ZNF468: variants seen among roughly 807,000 people sequenced by gnomAD.
The protein encoded by ZNF468 is zinc finger protein ZNF468.
Under a neutral mutation model 7.2 loss-of-function variants are expected in ZNF468, and 8 were observed. The ratio of observed to expected loss-of-function variants is 1.11; its 90% CI spans 0.65 to 2.01. The LOEUF is 2.01. Ranked by LOEUF, ZNF468 falls within the 30% of genes most tolerant of loss-of-function variation. ZNF468 has a pLI of 0.00. For missense variants in ZNF468, 608 were observed against 626.5 expected (o/e 0.97, Z 0.31); for synonymous variants, 218 against 214.4 (o/e 1.02, Z -0.15).
chr19:52,845,873 C>T (rs2063338380), intron 3 of ZNF468, among the ~76,000 whole-genome samples: 1 of 152,022 alleles, frequency 6.6e-6, no homozygotes, highest in South Asian at 2.1e-4. Flanking sequence ...TGTGGTGGCG[C>T]ATGCCTGTAA....
chr19:52,851,380 T>A (rs1242768276), intron 2 of ZNF468, among the ~76,000 whole-genome samples: 1 of 152,092 alleles, frequency 6.6e-6, no homozygotes, highest in African/African-American at 2.4e-5. Context: ...ATGGAAACCA[T>A]CTTGGCTAAA....
At chr19:52,857,045 A>C (rs7256825) in intron 1 of ZNF468, among the ~76,000 whole-genome samples, 105,961 of 150,440 alleles carry the variant, frequency 0.7, 37,591 homozygotes, top group African/African-American at 0.77. Context: ...CTCTCCAACG[A>C]GGGCTCAGGG....
chr19:52,857,093 A>T (rs56371813), intron 1 of ZNF468, among the ~76,000 whole-genome samples: 66,385 of 149,854 alleles, frequency 0.44, 14,713 homozygotes, highest in Admixed American at 0.55. Flanking sequence ...GGGGAGCAGC[A>T]GGGCCCAGCA....
At chr19:52,846,982 C>T (rs2063345939) in intron 3 of ZNF468, among the ~76,000 whole-genome samples, 2 of 151,586 alleles carry the variant, frequency 1.3e-5, no homozygotes, top group Non-Finnish European at 1.5e-5. Context: ...GCCTGGGTGA[C>T]AGAGTGAGAC....
chr19:52,850,758 G>A (rs1032154874), intron 2 of ZNF468, among the ~76,000 whole-genome samples: 2 of 151,800 alleles, frequency 1.3e-5, no homozygotes, highest in African/African-American at 4.8e-5. Context: ...AATTAGCCGG[G>A]CGTGGTGGCG....
At chr19:52,848,871 A>G (rs1394448767) in intron 3 of ZNF468, among the ~76,000 whole-genome samples, 1 of 152,128 alleles carries the variant, frequency 6.6e-6, no homozygotes, top group Non-Finnish European at 1.5e-5. Context: ...TTTTATGCTT[A>G]CTTTACTTCT....
At chr19:52,852,841 T>A (rs967292853) in intron 2 of ZNF468, among the ~76,000 whole-genome samples, 174 of 147,964 alleles carry the variant, frequency 1.2e-3, no homozygotes, top group African/African-American at 4.1e-3. Context: ...ATATAAAATT[T>A]TTTTTTAATT....
intron 2 of ZNF468, chr19:52,853,949 ATC>A: frequency 7.1e-7 from 1 of 1,414,684 alleles, no homozygotes; most frequent in Non-Finnish European, 9.2e-7. Flanking sequence ...CTGACAGTGC[ATC>A]CAGATGTGGC....
intron 3 of ZNF468, 22 bp downstream of exon 3, chr19:52,849,065 C>T: frequency 6.2e-7 from 1 of 1,612,724 alleles, no homozygotes; most frequent in South Asian, 1.1e-5. Flanking sequence ...GGGCACATCC[C>T]CAGGAGGGAA....
intron 3 of ZNF468, among the ~76,000 whole-genome samples, chr19:52,843,396 C>T (rs906300168): frequency 2.6e-5 from 4 of 152,100 alleles, no homozygotes; most frequent in African/African-American, 4.8e-5. Context: ...CCATGCCCAG[C>T]TAATTTTTGT....
At chr19:52,849,463 A>C in intron 2 of ZNF468, 3 of 795,644 alleles carry the variant, frequency 3.8e-6, no homozygotes, top group Non-Finnish European at 5.4e-6. Context: ...AACAAATAAA[A>C]AATCAATGTA....
chr19:52,839,939 A>T lies in ZNF468; in HGVS notation c.*786T>A, dbSNP rs1324832783. ...GTAGCATTACTGAAAACTTTGTGAC[A>T]ATCATTACATTAGTCAAGTTTCCCT... On this transcript the variant is annotated 3_prime_UTR_variant, in exon 4 of 4. Coordinates refer to ENST00000595646, the MANE Select transcript of ZNF468 (RefSeq NM_001008801.2). The T allele has an allele frequency of 5.5e-6, 6 of 1,094,262 alleles. No homozygotes were observed. The highest frequency in any genetic ancestry group is 1.6e-5 in the African/African-American group (1 of 62,930). The allele number at this position is 1,094,262 out of a possible 1,614,324, so 67.8% of individuals were successfully genotyped here.
chr19:52,851,923 T>C (rs2063393241), intron 2 of ZNF468, among the ~76,000 whole-genome samples: 1 of 152,270 alleles, frequency 6.6e-6, no homozygotes, highest in Non-Finnish European at 1.5e-5. Flanking sequence ...TGTATATGTA[T>C]AGATGTGTGT....
intron 1 of ZNF468, 127 bp downstream of exon 1, chr19:52,857,445 C>T (rs2063450497): frequency 6.6e-6 from 1 of 152,328 alleles, no homozygotes; most frequent in Non-Finnish European, 1.5e-5. Context: ...AGTAGAACAT[C>T]TCCATTTGCT....
At chr19:52,856,647 TCTCC>T (rs1345427076) in intron 1 of ZNF468, among the ~76,000 whole-genome samples, 1 of 140,786 alleles carries the variant, frequency 7.1e-6, no homozygotes, top group African/African-American at 2.6e-5. Context: ...TCCCTCCTCC[TCTCC>T]CTCACTCTGA....
chr19:52,839,415 A>G lies in ZNF468; in HGVS notation c.*1310T>C, dbSNP rs1038131799. ...TGGCCCCCAGTGCAATCCTCTTAAC[A>G]TAAACAGTTTAATGGCAATTAATGC... On this transcript the variant is annotated 3_prime_UTR_variant, in exon 4 of 4. Coordinates refer to ENST00000595646, the MANE Select transcript of ZNF468 (RefSeq NM_001008801.2). 4.0e-5 allele frequency: 14 copies of G among 352,340 alleles called. No individual in the cohort carries two copies. Among genetic ancestry groups the G allele is most frequent in the African/African-American group, 2.2e-4 (10 of 46,472 alleles). 21.8% of individuals were successfully genotyped at this position (352,340 alleles called of 1,614,324 possible). A position where few individuals can be genotyped will look rare whatever the true frequency, so the allele number is the denominator to read the frequency against.
At chr19:52,857,387 A>G (rs2063450054) in intron 1 of ZNF468, among the ~76,000 whole-genome samples, 185 bp downstream of exon 1, 1 of 152,266 alleles carries the variant, frequency 6.6e-6, no homozygotes, top group Non-Finnish European at 1.5e-5. Flanking sequence ...GGACGGGACC[A>G]GCCTCAGGGC....
chr19:52,851,828 C>T (rs1269062512), intron 2 of ZNF468, among the ~76,000 whole-genome samples: 1 of 152,026 alleles, frequency 6.6e-6, no homozygotes, highest in East Asian at 1.9e-4. Flanking sequence ...ATAAAACCTA[C>T]ACAGACTCAC....
chr19:52,849,307 A>T (rs771750461), intron 2 of ZNF468, 94 bp from the exon 3 acceptor site: 31 of 1,594,826 alleles, frequency 1.9e-5, no homozygotes, highest in Non-Finnish European at 2.6e-5. Flanking sequence ...GCATGGATTT[A>T]ACTGTAGAGA....
Sources: gnomAD v4.1 joint callset for allele counts (sites outside exome capture counted in the v4.1 genomes callset) on GRCh38, gnomAD v4.1.1 for gene constraint, MANE v1.5 for transcripts, NCBI Gene and HGNC (gene_info 2026-07-23, HGNC 2026-07-21) for gene names.